The following WWC2 variants were observed in gnomAD, a reference collection of about 807,000 sequenced individuals.
The protein encoded by WWC2 is protein WWC2.
A neutral mutation model predicts 138.5 loss-of-function variants in WWC2; 101 were observed. That is an observed-to-expected ratio of 0.73 (90% CI 0.62 to 0.86). The LOEUF (loss-of-function observed/expected upper bound fraction) is 0.86. WWC2 is among the 40% of genes least tolerant of loss of function. WWC2 has a pLI of 0.00. For synonymous variants in WWC2, 558 were observed against 538.4 expected, an observed-to-expected ratio of 1.04 and a Z score of -0.50; for missense variants, 1,420 against 1,419.4, an observed-to-expected ratio of 1.00 and a Z score of -0.01.
Position 183,124,875 on chromosome 4 carries a change from A to G in WWC2, c.131+25253A>G, listed in dbSNP as rs1732713632. 3.3e-5 allele frequency among the ~76,000 whole-genome samples: 5 copies of G among 152,158 alleles called. No individual in the cohort carries two copies. The South Asian group carries it at 1.0e-3, about 32-fold the overall frequency. On this transcript the variant is annotated intron_variant, in intron 1 of 22. Transcript: ENST00000403733. ...TCGTTATCTTGTACTTACAGTTTTGAATTCTTTATTCAGAACTTAGAATCT... is the reference window on the plus strand; with the variant it reads ...TCGTTATCTTGTACTTACAGTTTTGGATTCTTTATTCAGAACTTAGAATCT...
chr4:183,136,851 T>C (rs867609235), intron 1 of WWC2, among the ~76,000 whole-genome samples: 1 of 152,132 alleles, frequency 6.6e-6, no homozygotes, highest in African/African-American at 2.4e-5. Context: ...TGTCATAGAG[T>C]GTACTTACAC....
chr4:183,303,613 C>T (rs1034621678), intron 21 of WWC2, among the ~76,000 whole-genome samples: 4 of 152,116 alleles, frequency 2.6e-5, no homozygotes, highest in African/African-American at 9.7e-5. Flanking sequence ...GCCTTATTTT[C>T]TATTTCACCG....
intron 2 of WWC2, among the ~76,000 whole-genome samples, chr4:183,205,269 A>G (rs887505140): frequency 1.3e-5 from 2 of 152,200 alleles, no homozygotes; most frequent in Non-Finnish European, 2.9e-5. Context: ...ATAGTGAGCA[A>G]TGGTATCCCA....
At chr4:183,213,515 C>T (rs1017741086) in intron 4 of WWC2, among the ~76,000 whole-genome samples, 3 of 152,084 alleles carry the variant, frequency 2.0e-5, no homozygotes, top group South Asian at 2.1e-4. Context: ...AGCAGGTGTA[C>T]CTCAGTTGTT....
intron 16 of WWC2, among the ~76,000 whole-genome samples, chr4:183,275,088 A>G (rs370383618): frequency 6.0e-4 from 90 of 150,626 alleles, no homozygotes; most frequent in African/African-American, 1.9e-3. Context: ...CACCCTCCCT[A>G]CTCTCTCCAG....
intron 16 of WWC2, among the ~76,000 whole-genome samples, chr4:183,276,611 T>G (rs1027375875): frequency 3.9e-5 from 6 of 152,154 alleles, no homozygotes; most frequent in African/African-American, 1.4e-4. Flanking sequence ...TTGTCATATA[T>G]TTTGAATCTC....
chr4:183,266,046 T>C (rs1737494514), intron 14 of WWC2, 95 bp downstream of exon 14: 2 of 1,208,714 alleles, frequency 1.7e-6, no homozygotes, highest in Non-Finnish European at 2.3e-6. Context: ...AAAATGAAGA[T>C]ACGGAAAAGA....
intron 4 of WWC2, among the ~76,000 whole-genome samples, chr4:183,220,128 T>C (rs997339707): frequency 2.0e-5 from 3 of 152,144 alleles, no homozygotes; most frequent in African/African-American, 4.8e-5. Context: ...GGAATACAAG[T>C]CTCAGTCCTA....
intron 4 of WWC2, among the ~76,000 whole-genome samples, chr4:183,213,943 A>G (rs137928792): frequency 6.2e-4 from 94 of 152,170 alleles, no homozygotes; most frequent in African/African-American, 2.1e-3. Context: ...AAAAAACACA[A>G]TACCGAAGTT....
chr4:183,113,498 G>C (rs1398135342), intron 1 of WWC2, among the ~76,000 whole-genome samples: 1 of 149,494 alleles, frequency 6.7e-6, no homozygotes, highest in Non-Finnish European at 1.5e-5. Context: ...GTGTGTGTGT[G>C]TGTGTGTGTG....
chr4:183,150,916 A>G (rs1026796916), intron 1 of WWC2, among the ~76,000 whole-genome samples: 6 of 151,964 alleles, frequency 3.9e-5, no homozygotes, highest in African/African-American at 9.7e-5. Flanking sequence ...TATGTGCCAC[A>G]TTTTCTTAAT....
intron 1 of WWC2, among the ~76,000 whole-genome samples, chr4:183,132,153 G>A (rs1732945776): frequency 6.6e-6 from 1 of 152,070 alleles, no homozygotes; most frequent in Admixed American, 6.6e-5. Context: ...TTATATATGT[G>A]AAGACAGTGA....
At chr4:183,127,862 C>G (rs187354567) in intron 1 of WWC2, among the ~76,000 whole-genome samples, 38 of 152,036 alleles carry the variant, frequency 2.5e-4, no homozygotes, top group Admixed American at 5.9e-4. Context: ...TATATAAGAG[C>G]TTTTTACAGA....
At chr4:183,294,166 C>T (rs188541420) in intron 21 of WWC2, among the ~76,000 whole-genome samples, 3 of 152,162 alleles carry the variant, frequency 2.0e-5, no homozygotes, top group African/African-American at 7.2e-5. Flanking sequence ...TTTACAAAAA[C>T]AGGGCAGGCC....
At chr4:183,130,538 A>G (rs1732894604) in intron 1 of WWC2, among the ~76,000 whole-genome samples, 1 of 152,082 alleles carries the variant, frequency 6.6e-6, no homozygotes, top group African/African-American at 2.4e-5. Context: ...TATGTACTTG[A>G]TTCTTTGGTA....
intron 4 of WWC2, among the ~76,000 whole-genome samples, chr4:183,232,158 AT>A (rs1340738648): frequency 6.6e-6 from 1 of 152,202 alleles, no homozygotes; most frequent in East Asian, 1.9e-4. Context: ...TGCTAATTTA[AT>A]TGGTATGTAA....
intron 1 of WWC2, among the ~76,000 whole-genome samples, chr4:183,108,676 TCTC>T (rs1378083155): frequency 6.6e-6 from 1 of 152,156 alleles, no homozygotes; most frequent in East Asian, 1.9e-4. Context: ...AGTGTTGTGA[TCTC>T]GGCTCACTGC....
At chr4:183,150,445 A>G (rs1241578249) in intron 1 of WWC2, among the ~76,000 whole-genome samples, 1 of 152,184 alleles carries the variant, frequency 6.6e-6, no homozygotes, top group Non-Finnish European at 1.5e-5. Context: ...ACAGAAGCCA[A>G]GTTCATCAAT....
chr4:183,259,720 A>G lies in WWC2; in HGVS notation c.1278A>G (p.Gln426=), dbSNP rs1166228525. 8 of 1,543,788 alleles carry G rather than the reference A, an allele frequency of 5.2e-6. No individual in the cohort carries two copies. The East Asian group carries it at 7.4e-5, about 14-fold the overall frequency. The change falls in exon 10 of 23, where the codon CAA becomes CAG. Residue 426 remains glutamine (Q), a synonymous_variant. Transcript: ENST00000403733. ...AATTAACTACTTATTTGCATTCACA[A>G]CTTAAAAGGTGAGCTTATCAGATTT... is the stretch of plus-strand genomic sequence containing the variant. ...TTKLTTYLHS[Q]LKSLSASTLS... is the part of the protein sequence containing the mutation.
Sources: allele counts gnomAD v4.1 joint callset (sites outside exome capture counted in the v4.1 genomes callset), GRCh38; gene constraint gnomAD v4.1.1; transcripts MANE v1.5; gene names NCBI Gene and HGNC (gene_info 2026-07-23, HGNC 2026-07-21).